The following PDS5B variants were observed in gnomAD, a reference collection of about 807,000 sequenced individuals.
PDS5B encodes the protein PDS5 cohesin associated factor B, also known as sister chromatid cohesion protein PDS5 homolog B.
In PDS5B, 51 loss-of-function variants were observed where a neutral mutation model predicts 184.1. That is an observed-to-expected ratio of 0.28 (90% CI 0.22 to 0.35). The LOEUF (loss-of-function observed/expected upper bound fraction) is 0.35, where lower values mean the gene tolerates loss of function less well. PDS5B is among the 10% of genes least tolerant of loss of function. PDS5B has a pLI of 1.00. For missense variants in PDS5B, 1,180 were observed against 1,723.3 expected, an observed-to-expected ratio of 0.68 and a Z score of 5.58; for synonymous variants, 566 against 569.2, an observed-to-expected ratio of 0.99 and a Z score of 0.08.
chr13:32,673,423 T>C (rs1478455226), intron 8 of PDS5B, 67 bp downstream of exon 8: 5 of 1,364,076 alleles, frequency 3.7e-6, no homozygotes, highest in Non-Finnish European at 5.1e-6. Flanking sequence ...TTATAGCTTT[T>C]TAATTTTTAC....
intron 28 of PDS5B, 78 bp downstream of exon 28, chr13:32,758,731 G>C (rs1954273500): frequency 7.0e-7 from 1 of 1,433,826 alleles, no homozygotes; most frequent in East Asian, 2.3e-5. Context: ...GATCAGGAAG[G>C]ATCATGGAAA....
At chr13:32,690,736 T>G (rs956095751) in intron 13 of PDS5B, 1 of 152,150 alleles carries the variant, frequency 6.6e-6, no homozygotes, top group Non-Finnish European at 1.5e-5. Flanking sequence ...ACAAGAGATA[T>G]ATTGAAAAAT....
At chr13:32,612,146 T>G (rs188114357) in intron 1 of PDS5B, among the ~76,000 whole-genome samples, 23 of 152,154 alleles carry the variant, frequency 1.5e-4, no homozygotes, top group African/African-American at 5.3e-4. Context: ...TTTCCTTACC[T>G]CAGGGCACAT....
rs559041795 is a variant in PDS5B at position 32,743,447 on chromosome 13, A to G, written c.2612+720A>G. On this transcript the variant is annotated intron_variant, in intron 23 of 34. Coordinates refer to ENST00000315596, the MANE Select transcript of PDS5B (RefSeq NM_015032.4). ...CATAATAATTAGAAGCATTGATGAT[A>G]ATGGTGGTTATTATGTCAGTGTTAG... Among the ~76,000 whole-genome samples, 3 of 152,290 alleles carry G rather than the reference A, an allele frequency of 2.0e-5. No individual in the cohort carries two copies. The East Asian group carries it at 5.8e-4, about 29-fold the overall frequency.
At chr13:32,625,274 A>G (rs1288613541) in intron 1 of PDS5B, among the ~76,000 whole-genome samples, 1 of 151,990 alleles carries the variant, frequency 6.6e-6, no homozygotes, top group Non-Finnish European at 1.5e-5. Flanking sequence ...TGAGGTGGCA[A>G]GATCATAACT....
chr13:32,744,926 A>C (rs985985791), intron 23 of PDS5B, among the ~76,000 whole-genome samples: 1 of 152,176 alleles, frequency 6.6e-6, no homozygotes, highest in African/African-American at 2.4e-5. Context: ...ATGGATGTTG[A>C]ATAACAATCT....
At chr13:32,603,678 A>G (rs1391457565) in intron 1 of PDS5B, among the ~76,000 whole-genome samples, 1 of 152,152 alleles carries the variant, frequency 6.6e-6, no homozygotes, top group Non-Finnish European at 1.5e-5. Context: ...TCTATAAATT[A>G]CCTTGGGCGG....
chr13:32,670,207 G>A (rs1950899820), intron 7 of PDS5B, among the ~76,000 whole-genome samples: 1 of 151,196 alleles, frequency 6.6e-6, no homozygotes, highest in South Asian at 2.1e-4. Flanking sequence ...GGTTATTTAT[G>A]TATTAAAATT....
rs187956244 is a variant in PDS5B, at chr13:32,594,868, C to T, written c.-20+8275C>T. On this transcript the variant is annotated intron_variant, in intron 1 of 34. Coordinates refer to ENST00000315596, the MANE Select transcript of PDS5B (RefSeq NM_015032.4). ...AAAAGGATACCAATATATGGTCTTA[C>T]GCTGTCGTTTTGATATAGTTGCTTT... is the stretch of plus-strand genomic sequence containing the variant. Among the ~76,000 whole-genome samples the T allele has an allele frequency of 3.9e-3, 588 of 152,182 alleles. 3 individuals carry two copies. The highest frequency in any genetic ancestry group is 0.012 in the Admixed American group (180 of 15,288).
intron 1 of PDS5B, among the ~76,000 whole-genome samples, chr13:32,595,179 A>G (rs1392019384): frequency 6.6e-6 from 1 of 152,134 alleles, no homozygotes; most frequent in Admixed American, 6.5e-5. Flanking sequence ...TAAAAAAAAA[A>G]ATGTTGTAGG....
chr13:32,765,110 C>T (rs994822590), intron 31 of PDS5B, among the ~76,000 whole-genome samples: 2 of 147,550 alleles, frequency 1.4e-5, no homozygotes, highest in East Asian at 3.9e-4. Flanking sequence ...GTATGATAGA[C>T]AGTTTGTGTT....
chr13:32,596,387 T>G (rs1186544325), intron 1 of PDS5B, among the ~76,000 whole-genome samples: 1 of 152,194 alleles, frequency 6.6e-6, no homozygotes, highest in South Asian at 2.1e-4. Context: ...TAATATTTCA[T>G]TGGGGGAATA....
intron 1 of PDS5B, among the ~76,000 whole-genome samples, chr13:32,623,379 T>A (rs572791015): frequency 6.6e-6 from 1 of 152,336 alleles, no homozygotes; most frequent in East Asian, 1.9e-4. Flanking sequence ...TTAGTAGAAT[T>A]GAGGCCCCTA....
At chr13:32,738,224 G>A (rs750106989) in intron 21 of PDS5B, among the ~76,000 whole-genome samples, 19 of 152,042 alleles carry the variant, frequency 1.2e-4, no homozygotes, top group Non-Finnish European at 1.9e-4. Flanking sequence ...ATTTCTCTAG[G>A]TTTTATTCCT....
chr13:32,602,420 C>T (rs899687429), intron 1 of PDS5B, among the ~76,000 whole-genome samples: 1 of 152,336 alleles, frequency 6.6e-6, no homozygotes, highest in South Asian at 2.1e-4. Flanking sequence ...CTACAAAGGA[C>T]ATGAACTCAT....
intron 1 of PDS5B, among the ~76,000 whole-genome samples, chr13:32,604,023 A>AG (rs1367287444): frequency 2.0e-5 from 3 of 152,242 alleles, no homozygotes; most frequent in African/African-American, 7.2e-5. Context: ...ATCTGCAAGC[A>AG]GGGACAATTT....
chr13:32,665,583 C>T (rs537811517), intron 6 of PDS5B, among the ~76,000 whole-genome samples: 3 of 68,224 alleles, frequency 4.4e-5, no homozygotes, highest in African/African-American at 1.3e-4. Flanking sequence ...AGCGAGACTC[C>T]GACTCAAAAA....
chr13:32,691,264 A>C (rs1018714564), intron 13 of PDS5B: 1 of 152,018 alleles, frequency 6.6e-6, no homozygotes, highest in Non-Finnish European at 1.5e-5. Flanking sequence ...ACAATTGTGT[A>C]TACAGTGTTG....
intron 23 of PDS5B, among the ~76,000 whole-genome samples, chr13:32,743,303 C>T (rs1317434818): frequency 9.4e-6 from 1 of 106,318 alleles, no homozygotes. Context: ...CTTCTTGGTC[C>T]CTCAGTTTCC....
Sources: allele counts gnomAD v4.1 joint callset (sites outside exome capture counted in the v4.1 genomes callset), GRCh38; gene constraint gnomAD v4.1.1; transcripts MANE v1.5; gene names NCBI Gene and HGNC (gene_info 2026-07-23, HGNC 2026-07-21).